Variants in GAB2 observed in about 807,000 individuals in gnomAD.
GAB2 encodes the protein GRB2 associated binding protein 2.
In GAB2, 26 loss-of-function variants were observed where a neutral mutation model predicts 65.5. The observed-to-expected ratio is 0.40, with a 90% CI of 0.29 to 0.55. GAB2 has a LOEUF of 0.55. Ranked by LOEUF, GAB2 falls within the 20% of genes least tolerant of loss-of-function variation. The pLI is 0.53. For missense variants in GAB2, 884 were observed against 875.8 expected (o/e 1.01, Z -0.12); for synonymous variants, 321 against 329.6 (o/e 0.97, Z 0.28).
intron 1 of GAB2, among the ~76,000 whole-genome samples, chr11:78,408,999 C>A (rs1025116765): frequency 6.6e-6 from 1 of 152,078 alleles, no homozygotes; most frequent in Non-Finnish European, 1.5e-5. Context: ...GATTAATACA[C>A]CCCAACAATA....
chr11:78,220,989 C>A (rs555559259), intron 8 of GAB2, among the ~76,000 whole-genome samples: 4 of 152,332 alleles, frequency 2.6e-5, no homozygotes, highest in South Asian at 2.1e-4. Context: ...CCTAGCTCCT[C>A]CAAGATCTGA....
intron 1 of GAB2, among the ~76,000 whole-genome samples, chr11:78,286,999 C>T (rs574016143): frequency 6.6e-6 from 1 of 152,250 alleles, no homozygotes; most frequent in South Asian, 2.1e-4. Context: ...TATGGACTTA[C>T]ACATAAAATA....
intron 3 of GAB2, among the ~76,000 whole-genome samples, chr11:78,242,315 A>AC (rs1396169932): frequency 6.6e-6 from 1 of 152,138 alleles, no homozygotes; most frequent in Non-Finnish European, 1.5e-5. Flanking sequence ...AACCTGGCTA[A>AC]CACGGTGAAA....
At chr11:78,336,784 G>A (rs557845911) in intron 1 of GAB2, among the ~76,000 whole-genome samples, 10 of 152,190 alleles carry the variant, frequency 6.6e-5, no homozygotes, top group African/African-American at 2.4e-4. Context: ...TAAATAGCAT[G>A]GGAACATTAA....
rs568065334 is a variant in GAB2 at position 78,409,255 on chromosome 11, C to T, written c.75+8391G>A. 9.2e-5 allele frequency among the ~76,000 whole-genome samples: 14 copies of T among 152,176 alleles called. No individual in the cohort carries two copies. In the South Asian group the frequency reaches 2.9e-3, roughly 32 times the overall value. ...ATTATATAAAGATAAAAGGGTCATGCCACCAAGAAGATGTTGCAATTCTAA... is the reference window on the plus strand; with the variant it reads ...ATTATATAAAGATAAAAGGGTCATGTCACCAAGAAGATGTTGCAATTCTAA... On this transcript the variant is annotated intron_variant, in intron 1 of 9. Coordinates refer to ENST00000361507, the MANE Select transcript of GAB2 (RefSeq NM_080491.3).
chr11:78,218,026 C>G lies in GAB2; in HGVS notation c.*1246G>C, dbSNP rs1239269414. The G allele has an allele frequency of 6.5e-6, 1 of 153,068 alleles. No homozygotes were observed. The highest frequency in any genetic ancestry group is 2.4e-5 in the African/African-American group (1 of 41,462). The allele number at this position is 153,068 out of a possible 1,614,324, so 9.5% of individuals were successfully genotyped here. ...CTTGCACGTGTCCCTCCTTCACTTT[C>G]TGCTCCACCCTGCACCCCCAAGGAT... is the stretch of plus-strand genomic sequence containing the variant. On this transcript the variant is annotated 3_prime_UTR_variant, in exon 10 of 10. Coordinates refer to ENST00000361507, the MANE Select transcript of GAB2 (RefSeq NM_080491.3).
intron 1 of GAB2, among the ~76,000 whole-genome samples, chr11:78,390,976 G>A (rs185217762): frequency 2.0e-5 from 3 of 152,254 alleles, no homozygotes; most frequent in African/African-American, 7.2e-5. Flanking sequence ...GGAAGTGGGC[G>A]GTACTATGAA....
intron 1 of GAB2, among the ~76,000 whole-genome samples, chr11:78,313,189 A>G (rs1464279690): frequency 1.3e-5 from 2 of 152,132 alleles, no homozygotes; most frequent in African/African-American, 4.8e-5. Flanking sequence ...GGATCACTCT[A>G]AAGCTTTTTT....
At chr11:78,358,622 C>G (rs1856393574) in intron 1 of GAB2, among the ~76,000 whole-genome samples, 1 of 151,752 alleles carries the variant, frequency 6.6e-6, no homozygotes, top group South Asian at 2.1e-4. Context: ...CCTGAGGCTA[C>G]TGGAGGCAGC....
rs1289254578 is a variant in GAB2, at chr11:78,222,183, G to C, written c.1580C>G (p.Pro527Arg). 2 of 1,613,196 alleles carry C rather than the reference G, an allele frequency of 1.2e-6. No homozygotes were observed. The change falls in exon 7 of 10, where the codon CCA (proline) becomes CGA (arginine). Residue 527 changes from proline (P) to arginine (R), a missense_variant. Physicochemically the swap from Pro to Arg is moderately radical, Grantham distance 103. Coordinates refer to ENST00000361507, the MANE Select transcript of GAB2 (RefSeq NM_080491.3). ...GACGGTGTTGTTCCTCAGGTCAAGT[G>C]GTGTTGGCTTTGCTGGAGCAGGAAA... is the stretch of plus-strand genomic sequence containing the variant. ...LKPDRKAKPTPLDLRNNTVID... is the reference protein window; with the variant it reads ...LKPDRKAKPTRLDLRNNTVID...
chr11:78,368,081 G>A (rs1012571999), intron 1 of GAB2, among the ~76,000 whole-genome samples: 1 of 152,122 alleles, frequency 6.6e-6, no homozygotes, highest in Non-Finnish European at 1.5e-5. Flanking sequence ...CTCCCAAAGT[G>A]CTGGGATTAC....
chr11:78,267,230 G>T (rs148085321), intron 2 of GAB2, among the ~76,000 whole-genome samples: 288 of 152,314 alleles, frequency 1.9e-3, no homozygotes, highest in African/African-American at 6.7e-3. Context: ...CAAGAGCAGG[G>T]CTAGGAACAA....
In GAB2 at chr11:78,221,792, G is replaced by C. The variant is rs1864440006; in HGVS notation, c.1659-13C>G. Reference sequence around the variant, plus strand: ...GTTGAAGGTGTGGCTGTTGTGGGAAGGAAGAGTTAACACTGGGGAAGCTGC... The same window carrying C: ...GTTGAAGGTGTGGCTGTTGTGGGAACGAAGAGTTAACACTGGGGAAGCTGC... On this transcript the variant is annotated splice_polypyrimidine_tract_variant and intron_variant, in intron 7 of 9. Coordinates refer to ENST00000361507, the MANE Select transcript of GAB2 (RefSeq NM_080491.3). The C allele has an allele frequency of 1.9e-6, 3 of 1,591,328 alleles. No individual in the cohort carries two copies. The highest frequency in any genetic ancestry group is 8.6e-7 in the Non-Finnish European group (1 of 1,159,676).
intron 3 of GAB2, among the ~76,000 whole-genome samples, chr11:78,248,989 A>T (rs538795773): frequency 1.3e-5 from 2 of 152,340 alleles, no homozygotes; most frequent in East Asian, 3.9e-4. Flanking sequence ...AACTAGTGAA[A>T]GTTCACAAAC....
chr11:78,326,728 T>C (rs901795013), intron 1 of GAB2, among the ~76,000 whole-genome samples: 2 of 152,246 alleles, frequency 1.3e-5, no homozygotes, highest in East Asian at 3.8e-4. Context: ...TAGTAACTTC[T>C]GTTGAATACA....
chr11:78,395,545 A>T (rs1263423225), intron 1 of GAB2, among the ~76,000 whole-genome samples: 1 of 152,254 alleles, frequency 6.6e-6, no homozygotes, highest in African/African-American at 2.4e-5. Flanking sequence ...CCTTTCAATT[A>T]GATATACTGA....
intron 1 of GAB2, among the ~76,000 whole-genome samples, chr11:78,405,168 G>A (rs770379154): frequency 5.7e-5 from 8 of 141,352 alleles, no homozygotes; most frequent in Admixed American, 2.4e-4. Context: ...GCGCAATCTC[G>A]GCTCACTGCA....
At chr11:78,228,798 G>A (rs1349271766) in intron 3 of GAB2, among the ~76,000 whole-genome samples, 1 of 149,610 alleles carries the variant, frequency 6.7e-6, no homozygotes, top group African/African-American at 2.5e-5. Flanking sequence ...GAACATCTAG[G>A]CTTTAGATAA....
chr11:78,229,392 C>T (rs956486318), intron 3 of GAB2, among the ~76,000 whole-genome samples: 9 of 152,268 alleles, frequency 5.9e-5, no homozygotes, highest in East Asian at 1.9e-4. Context: ...CTAAAGGGAA[C>T]GGGGAGCCTC....
Sources: gnomAD v4.1 joint callset for allele counts (sites outside exome capture counted in the v4.1 genomes callset) on GRCh38, gnomAD v4.1.1 for gene constraint, MANE v1.5 for transcripts, NCBI Gene and HGNC (gene_info 2026-07-23, HGNC 2026-07-21) for gene names.